Variants in CDH18 observed in about 807,000 individuals in gnomAD.
CDH18 encodes cadherin-18.
In CDH18, 31 loss-of-function variants were observed where a neutral mutation model predicts 67.9. The ratio of observed to expected loss-of-function variants is 0.46; its 90% CI spans 0.34 to 0.62. The LOEUF (loss-of-function observed/expected upper bound fraction) is 0.62. Among genes scored for constraint, CDH18 ranks in the 20% least tolerant of loss-of-function variants. The pLI is 0.01. For missense variants in CDH18, 890 were observed against 975.5 expected, an observed-to-expected ratio of 0.91 and a Z score of 1.17; for synonymous variants, 362 against 347.2, an observed-to-expected ratio of 1.04 and a Z score of -0.48.
At chr5:19,819,696 G>T (rs1221991136) in intron 3 of CDH18, among the ~76,000 whole-genome samples, 3 of 152,146 alleles carry the variant, frequency 2.0e-5, no homozygotes, top group African/African-American at 4.8e-5. Context: ...GAGCCCAAAA[G>T]GTTTTGTGTG....
rs150429560 is a variant in CDH18 at position 20,374,122 on chromosome 5, A to G, written c.-579-118617T>C. Among the ~76,000 whole-genome samples the G allele has an allele frequency of 5.2e-3, 784 of 152,204 alleles. 4 individuals carry two copies. Among genetic ancestry groups the G allele is most frequent in the Non-Finnish European group, 8.1e-3 (550 of 68,018 alleles). ...AAGGATACCAAACCTAGAAAGGCCA[A>G]GTTCCCGTGTTATTCTGCTGATAAA... On this transcript the variant is annotated intron_variant, in intron 1 of 14. Transcript: ENST00000507958.
intron 1 of CDH18, among the ~76,000 whole-genome samples, chr5:20,377,970 A>AATTATGAATTTGCTCCTTTAATGGAG (rs1743600179): frequency 2.0e-5 from 1 of 49,444 alleles, no homozygotes; most frequent in Non-Finnish European, 5.8e-5. Context: ...CTTTAATGGA[A>AATTATGAATTTGCTCCTTTAATGGAG]CAATTATGAA....
chr5:20,539,668 T>G (rs1756937149), intron 1 of CDH18, among the ~76,000 whole-genome samples: 1 of 151,856 alleles, frequency 6.6e-6, no homozygotes, highest in Non-Finnish European at 1.5e-5. Context: ...AATATTTATT[T>G]TAGGTAAGAT....
intron 2 of CDH18, among the ~76,000 whole-genome samples, chr5:19,854,914 G>T: frequency 7.4e-6 from 1 of 134,444 alleles, no homozygotes; most frequent in African/African-American, 2.8e-5. Context: ...TAACCATCAT[G>T]CTACTCCCTA....
intron 2 of CDH18, among the ~76,000 whole-genome samples, chr5:19,874,900 G>A (rs543858832): frequency 7.9e-5 from 12 of 152,124 alleles, no homozygotes; most frequent in Non-Finnish European, 1.5e-4. Flanking sequence ...GTAGCGGGGA[G>A]CATATTCTGT....
At chr5:19,900,544 ACAT>A (rs1380536017) in intron 2 of CDH18, among the ~76,000 whole-genome samples, 1 of 152,184 alleles carries the variant, frequency 6.6e-6, no homozygotes, top group African/African-American at 2.4e-5. Context: ...ATGTATTAAA[ACAT>A]CATCTTGCAC....
intron 2 of CDH18, among the ~76,000 whole-genome samples, chr5:20,203,935 T>C (rs1333483515): frequency 2.0e-5 from 3 of 151,756 alleles, no homozygotes; most frequent in Admixed American, 6.6e-5. Context: ...GACAGGCTAT[T>C]TGAAAACACA....
intron 1 of CDH18, among the ~76,000 whole-genome samples, chr5:20,462,316 T>A (rs1751320362): frequency 6.6e-6 from 1 of 151,958 alleles, no homozygotes; most frequent in African/African-American, 2.4e-5. Context: ...GTTGATCTCG[T>A]GGAAGTAGGG....
At chr5:19,764,695 ATG>A (rs747392905) in intron 3 of CDH18, among the ~76,000 whole-genome samples, 23 of 151,588 alleles carry the variant, frequency 1.5e-4, no homozygotes, top group Admixed American at 2.0e-4. Flanking sequence ...ATAACCATAT[ATG>A]TGTGTGTGTA....
chr5:20,328,441 G>T (rs1738816912), intron 1 of CDH18, among the ~76,000 whole-genome samples: 1 of 151,046 alleles, frequency 6.6e-6, no homozygotes, highest in Non-Finnish European at 1.5e-5. Context: ...AAAGAATCGG[G>T]TTGTGCTTTA....
chr5:19,813,847 A>G (rs1349362529), intron 3 of CDH18, among the ~76,000 whole-genome samples: 5 of 152,118 alleles, frequency 3.3e-5, no homozygotes, highest in Non-Finnish European at 5.9e-5. Flanking sequence ...CAGAATTTTC[A>G]TATTATCAAA....
chr5:19,713,696 C>T (rs1402295369), intron 5 of CDH18, among the ~76,000 whole-genome samples: 1 of 152,044 alleles, frequency 6.6e-6, no homozygotes, highest in African/African-American at 2.4e-5. Flanking sequence ...AATAAATATG[C>T]ATTCTCAGTG....
chr5:19,998,517 AATT>A (rs899685617), intron 2 of CDH18, among the ~76,000 whole-genome samples: 8 of 152,178 alleles, frequency 5.3e-5, no homozygotes, highest in African/African-American at 1.9e-4. Context: ...GATATCAACA[AATT>A]ATTGTCCTGT....
intron 10 of CDH18, among the ~76,000 whole-genome samples, chr5:19,508,918 G>A: frequency 6.8e-6 from 1 of 146,774 alleles, no homozygotes; most frequent in Non-Finnish European, 1.5e-5. Context: ...AGGCTGGAGT[G>A]CCAGAGGCAC....
chr5:20,300,701 T>G (rs913914329), intron 1 of CDH18, among the ~76,000 whole-genome samples: 1 of 152,166 alleles, frequency 6.6e-6, no homozygotes, highest in Non-Finnish European at 1.5e-5. Context: ...ATTGACTCTA[T>G]GGGAGGGCTA....
chr5:19,714,381 T>C (rs896680549), intron 5 of CDH18, among the ~76,000 whole-genome samples: 3 of 152,154 alleles, frequency 2.0e-5, no homozygotes, highest in Non-Finnish European at 4.4e-5. Flanking sequence ...TAATGTCTAC[T>C]AGAATTTAAT....
rs59764100 is a variant in CDH18 at position 20,279,725 on chromosome 5, A to AAAAAAAAAAAC, written c.-579-24221_-579-24220insGTTTTTTTTTT. 2.2e-3 allele frequency among the ~76,000 whole-genome samples: 281 copies of AAAAAAAAAAAC among 128,830 alleles called. 7 individuals carry two copies. The highest frequency in any genetic ancestry group is 3.8e-3 in the East Asian group (16 of 4,220). 84.5% of individuals were successfully genotyped at this position (128,830 alleles called of 152,430 possible). A position where few individuals can be genotyped will look rare whatever the true frequency, so the allele number is the denominator to read the frequency against. On this transcript the variant is annotated intron_variant, in intron 1 of 14. Coordinates refer to the CDH18 transcript ENST00000507958. Reference sequence around the variant, plus strand: ...AAAAAAAAAAAAAAAAAAAAAAAAAAAAAGCAAAAACTGTAAGAGCGAGAT... The same window carrying AAAAAAAAAAAC: ...AAAAAAAAAAAAAAAAAAAAAAAAAAAAAAAAAAAACAAAGCAAAAACTGTAAGAGCGAGAT...
chr5:19,634,706 G>C (rs1010134394), intron 5 of CDH18, among the ~76,000 whole-genome samples: 8 of 151,992 alleles, frequency 5.3e-5, no homozygotes, highest in East Asian at 1.9e-4. Flanking sequence ...GGAGCCTGAG[G>C]GTGGGTGGAT....
chr5:19,741,257 GTATACATA>G (rs1165430367), intron 4 of CDH18, among the ~76,000 whole-genome samples: 12 of 58,452 alleles, frequency 2.1e-4, no homozygotes, highest in African/African-American at 3.7e-4. Context: ...ATGTATATAT[GTATACATA>G]TATACATATA....
Sources: gnomAD v4.1 joint callset for allele counts (sites outside exome capture counted in the v4.1 genomes callset) on GRCh38, gnomAD v4.1.1 for gene constraint, MANE v1.5 for transcripts, NCBI Gene and HGNC (gene_info 2026-07-23, HGNC 2026-07-21) for gene names.